The following KLHL22 variants were observed in gnomAD, a reference collection of about 807,000 sequenced individuals.
KLHL22 encodes the protein kelch-like protein 22.
Under a neutral mutation model 60.7 loss-of-function variants are expected in KLHL22, and 18 were observed. The ratio of observed to expected loss-of-function variants is 0.30; its 90% CI spans 0.20 to 0.44. KLHL22 has a LOEUF of 0.44. KLHL22 is among the 20% of genes least tolerant of loss of function. The pLI, the probability that KLHL22 is intolerant of heterozygous loss-of-function variation, is 1.00. For missense variants in KLHL22, 596 were observed against 852.3 expected (o/e 0.70, Z 3.74); for synonymous variants, 355 against 354.5 (o/e 1.00, Z -0.01).
intron 2 of KLHL22, among the ~76,000 whole-genome samples, chr22:20,478,314 T>A (rs2053445309): frequency 1.3e-5 from 2 of 151,566 alleles, no homozygotes; most frequent in South Asian, 4.2e-4. Context: ...CAAGCAATTA[T>A]CCTACCTCAG....
chr22:20,449,477 T>C (rs2146176485), intron 5 of KLHL22, among the ~76,000 whole-genome samples: 1 of 152,240 alleles, frequency 6.6e-6, no homozygotes, highest in South Asian at 2.1e-4. Context: ...CTCGGCTCAC[T>C]GCAACCTCTG....
At chr22:20,446,987 C>G (rs1456213375) in intron 5 of KLHL22, among the ~76,000 whole-genome samples, 1 of 152,100 alleles carries the variant, frequency 6.6e-6, no homozygotes, top group Non-Finnish European at 1.5e-5. Context: ...AGCATTTTTT[C>G]CAAGCCAGTC....
At chr22:20,455,601 C>A (rs556145078) in intron 5 of KLHL22, among the ~76,000 whole-genome samples, 1 of 152,310 alleles carries the variant, frequency 6.6e-6, no homozygotes, top group African/African-American at 2.4e-5. Flanking sequence ...CCCAACCCCT[C>A]TTTCAGTTAA....
chr22:20,476,822 C>G (rs550495044), intron 2 of KLHL22, among the ~76,000 whole-genome samples: 1 of 151,628 alleles, frequency 6.6e-6, no homozygotes, highest in East Asian at 2.0e-4. Context: ...GATTCTCCTG[C>G]CTCAGCCTCC....
At chr22:20,493,504 G>A (rs1387012762) in intron 1 of KLHL22, among the ~76,000 whole-genome samples, 6 of 152,352 alleles carry the variant, frequency 3.9e-5, no homozygotes, top group Middle Eastern at 3.4e-3. Flanking sequence ...CAAAGTGGCC[G>A]GGCGCAGTGG....
intron 6 of KLHL22, among the ~76,000 whole-genome samples, chr22:20,443,982 C>T (rs2052812070): frequency 6.7e-6 from 1 of 148,748 alleles, no homozygotes; most frequent in Non-Finnish European, 1.5e-5. Flanking sequence ...ACCCAGGAGG[C>T]AGAGGTTGCA....
intron 2 of KLHL22, chr22:20,481,884 G>A (rs1038692063): frequency 6.6e-6 from 1 of 152,490 alleles, no homozygotes; most frequent in Non-Finnish European, 1.5e-5. Flanking sequence ...GGTTATAGGT[G>A]TGAGCCACCC....
intron 2 of KLHL22, among the ~76,000 whole-genome samples, chr22:20,474,802 A>G (rs895190121): frequency 2.0e-5 from 3 of 152,256 alleles, no homozygotes; most frequent in Non-Finnish European, 2.9e-5. Flanking sequence ...CTGAGTATGC[A>G]TATGCCAGGA....
At chr22:20,470,786 A>AGATGGATGGATGGATGGATG (rs361774) in intron 3 of KLHL22, among the ~76,000 whole-genome samples, 1 of 137,648 alleles carries the variant, frequency 7.3e-6, no homozygotes, top group African/African-American at 2.8e-5. Flanking sequence ...ATGGATGGAT[A>AGATGGATGGATGGATGGATG]GATGGATGGA....
chr22:20,477,030 G>GA (rs912304159), intron 2 of KLHL22, among the ~76,000 whole-genome samples: 35 of 145,552 alleles, frequency 2.4e-4, no homozygotes, highest in East Asian at 4.0e-4. Flanking sequence ...ACCATTTTAA[G>GA]AAAAAAAAAA....
chr22:20,443,816 G>A (rs924358953), intron 6 of KLHL22, among the ~76,000 whole-genome samples: 3 of 152,222 alleles, frequency 2.0e-5, no homozygotes, highest in African/African-American at 7.2e-5. Context: ...GGGAGGCTGA[G>A]GTGCGTGGAT....
At chr22:20,475,223 T>C (rs2053391994) in intron 2 of KLHL22, 1 of 149,888 alleles carries the variant, frequency 6.7e-6, no homozygotes, top group Admixed American at 6.7e-5. Flanking sequence ...TCAACTGCAG[T>C]AGTGAGAAGG....
At chr22:20,482,514 T>C (rs758657730) in intron 2 of KLHL22, among the ~76,000 whole-genome samples, 54 of 152,048 alleles carry the variant, frequency 3.6e-4, no homozygotes, top group Admixed American at 7.2e-4. Context: ...CACCTCGGCC[T>C]CCCCAGAAGC....
At chr22:20,477,787 G>A (rs1053978620) in intron 2 of KLHL22, among the ~76,000 whole-genome samples, 5 of 152,090 alleles carry the variant, frequency 3.3e-5, no homozygotes, top group South Asian at 2.1e-4. Context: ...GGGTTGCTAC[G>A]TTGCTCAAGT....
chr22:20,462,276 CAAAAAAAAAAA>C (rs361908), intron 4 of KLHL22, among the ~76,000 whole-genome samples: 1 of 114,568 alleles, frequency 8.7e-6, no homozygotes, highest in African/African-American at 3.5e-5. Context: ...GACTCTGTCT[CAAAAAAAAAAA>C]AAAAAAAATT....
In KLHL22 at chr22:20,465,994, G is replaced by T. The variant is rs1193823226; in HGVS notation, c.394-418C>A. ...CTCAGTCTCCTCATCTATAAAACGG[G>T]GATCATTAAAGTGAAGAGGAACATG... On this transcript the variant is annotated intron_variant, in intron 3 of 6. Coordinates refer to ENST00000328879, the MANE Select transcript of KLHL22 (RefSeq NM_032775.4). The surrounding 1 kb of genome is among the most constrained non-coding windows in gnomAD (Gnocchi z 4.9). Among the ~76,000 whole-genome samples, 4 of 151,938 alleles carry T rather than the reference G, an allele frequency of 2.6e-5. No individual in the cohort carries two copies. In the East Asian group the frequency reaches 7.7e-4, roughly 29 times the overall value.
intron 5 of KLHL22, among the ~76,000 whole-genome samples, chr22:20,449,400 G>T (rs2052937403): frequency 6.7e-6 from 1 of 150,186 alleles, no homozygotes; most frequent in Non-Finnish European, 1.5e-5. Flanking sequence ...GCAGTATTTT[G>T]CCAAGGTTTT....
intron 5 of KLHL22, among the ~76,000 whole-genome samples, chr22:20,456,636 C>T (rs145940755): frequency 3.3e-5 from 5 of 152,356 alleles, no homozygotes; most frequent in East Asian, 1.9e-4. Flanking sequence ...GATGGGGGTA[C>T]GGAGTGTCCT....
intron 5 of KLHL22, among the ~76,000 whole-genome samples, chr22:20,456,885 G>A (rs2053071053): frequency 3.3e-5 from 5 of 152,238 alleles, no homozygotes; most frequent in Admixed American, 2.6e-4. Flanking sequence ...CAGAGCTCTT[G>A]CTAAACTCCC....
Sources: gnomAD v4.1 joint callset for allele counts (sites outside exome capture counted in the v4.1 genomes callset) on GRCh38, gnomAD v4.1.1 for gene constraint, Gnocchi (gnomAD v3.1) non-coding constraint, MANE v1.5 for transcripts, NCBI Gene and HGNC (gene_info 2026-07-23, HGNC 2026-07-21) for gene names.